CACNA1D: variants seen among roughly 807,000 people sequenced by gnomAD.
The protein encoded by CACNA1D is voltage-dependent L-type calcium channel subunit alpha-1D.
CACNA1D carries 55 observed loss-of-function variants against 257.1 expected under a neutral mutation model. That is an observed-to-expected ratio of 0.21 (90% CI 0.17 to 0.27). CACNA1D has a LOEUF of 0.27. Ranked by LOEUF, CACNA1D falls within the 10% of genes least tolerant of loss-of-function variation. The probability of loss-of-function intolerance (pLI) is 1.00; values close to 1 mark genes in which losing one functional copy is unlikely to be tolerated. For missense variants in CACNA1D, 1,876 were observed against 2,784.0 expected (o/e 0.67, Z 7.34); for synonymous variants, 980 against 1,014.9 (o/e 0.97, Z 0.65).
intron 8 of CACNA1D, among the ~76,000 whole-genome samples, chr3:53,696,315 T>A (rs2094572900): frequency 1.3e-5 from 2 of 152,190 alleles, no homozygotes; most frequent in Non-Finnish European, 2.9e-5. Context: ...ACCTTCTCCT[T>A]CCTCTGCTCC....
At chr3:53,735,771 TC>T in intron 20 of CACNA1D, among the ~76,000 whole-genome samples, 1 of 152,344 alleles carries the variant, frequency 6.6e-6, no homozygotes, top group South Asian at 2.1e-4. Flanking sequence ...CTTCTCCGCC[TC>T]TTTGCTCCCT....
rs572557151 is a variant in CACNA1D, at chr3:53,655,536, G to A, written c.624-4597G>A. 2.5e-4 allele frequency among the ~76,000 whole-genome samples: 38 copies of A among 152,188 alleles called. No homozygotes were observed. In the East Asian group the frequency reaches 3.3e-3, roughly 13 times the overall value. ...TAACTGGTGTGAAATGGTATCTCGT[G>A]GTTTTGATTTGCACTTCTCTAACGA... On this transcript the variant is annotated intron_variant, in intron 4 of 47. Transcript: ENST00000350061.
At chr3:53,602,725 A>G (rs2093459541) in intron 3 of CACNA1D, among the ~76,000 whole-genome samples, 1 of 152,212 alleles carries the variant, frequency 6.6e-6, no homozygotes, top group Admixed American at 6.5e-5. Context: ...ATTTCTTCAT[A>G]TAACCTGTTG....
intron 8 of CACNA1D, among the ~76,000 whole-genome samples, chr3:53,699,505 G>C (rs79296231): frequency 0.013 from 1,968 of 152,298 alleles, 50 homozygotes; most frequent in African/African-American, 0.045. Context: ...TCAGAACACA[G>C]CAGTGACAGA....
intron 5 of CACNA1D, 102 bp from the exon 6 acceptor site, chr3:53,665,558 T>C: frequency 1.1e-6 from 1 of 881,314 alleles, no homozygotes. Context: ...TGAATTTTAT[T>C]ACTATGTGTT....
intron 20 of CACNA1D, among the ~76,000 whole-genome samples, chr3:53,738,426 A>C (rs2095080304): frequency 6.6e-6 from 1 of 152,208 alleles, no homozygotes; most frequent in African/African-American, 2.4e-5. Context: ...GAGAGGGTTT[A>C]GTTGCTCTAG....
intron 3 of CACNA1D, among the ~76,000 whole-genome samples, chr3:53,510,565 G>A (rs2091063740): frequency 6.6e-6 from 1 of 152,182 alleles, no homozygotes; most frequent in South Asian, 2.1e-4. Context: ...ACGTTTGTCT[G>A]GGATGACAAC....
intron 3 of CACNA1D, among the ~76,000 whole-genome samples, chr3:53,551,056 AC>A (rs2092522542): frequency 6.6e-6 from 1 of 152,230 alleles, no homozygotes; most frequent in South Asian, 2.1e-4. Flanking sequence ...ATGCCAAAAA[AC>A]ATCTTAAACT....
intron 3 of CACNA1D, among the ~76,000 whole-genome samples, chr3:53,502,031 T>A (rs892959575): frequency 6.6e-6 from 1 of 151,966 alleles, no homozygotes; most frequent in African/African-American, 2.4e-5. Flanking sequence ...CTTTTCCTGA[T>A]AATATTAGCT....
rs369202970 is a variant in CACNA1D at position 53,495,512 on chromosome 3, G to C, written c.67+279G>C. On this transcript the variant is annotated intron_variant, in intron 1 of 47. Coordinates refer to ENST00000350061, the MANE Select transcript of CACNA1D (RefSeq NM_001128840.3). The surrounding 1 kb of genome is among the most constrained non-coding windows in gnomAD (Gnocchi z 5.1). Reference sequence around the variant, plus strand: ...GAGGGGCGGCGAGTCGGGGTGATTCGGGTTCAGTGTCCTCGGGCTCAACTT... The same window carrying C: ...GAGGGGCGGCGAGTCGGGGTGATTCCGGTTCAGTGTCCTCGGGCTCAACTT... 2.1e-4 allele frequency among the ~76,000 whole-genome samples: 32 copies of C among 152,242 alleles called. No homozygotes were observed. In the East Asian group the frequency reaches 2.1e-3, roughly 10 times the overall value.
intron 19 of CACNA1D, 41 bp from the exon 20 acceptor site, chr3:53,735,333 C>G: frequency 6.2e-7 from 1 of 1,604,718 alleles, no homozygotes; most frequent in Non-Finnish European, 8.5e-7. Flanking sequence ...TGTGTTCCAC[C>G]CTATCTGGGA....
At chr3:53,605,758 C>A (rs1230476962) in intron 3 of CACNA1D, among the ~76,000 whole-genome samples, 1 of 152,208 alleles carries the variant, frequency 6.6e-6, no homozygotes, top group African/African-American at 2.4e-5. Context: ...GGTCTGTTCT[C>A]CCCTTCCAGA....
At chr3:53,569,221 C>T (rs778135342) in intron 3 of CACNA1D, among the ~76,000 whole-genome samples, 72 of 152,204 alleles carry the variant, frequency 4.7e-4, no homozygotes, top group Admixed American at 9.2e-4. Context: ...AGTTTCAAAT[C>T]CATCCAGAAG....
At chr3:53,636,517 G>A (rs1249052840) in intron 3 of CACNA1D, among the ~76,000 whole-genome samples, 2 of 152,190 alleles carry the variant, frequency 1.3e-5, no homozygotes, top group African/African-American at 4.8e-5. Context: ...TGTTGGCCAA[G>A]CTGGTCTCAA....
chr3:53,686,144 G>T (rs2094471700), intron 8 of CACNA1D, among the ~76,000 whole-genome samples: 1 of 152,036 alleles, frequency 6.6e-6, no homozygotes, highest in Non-Finnish European at 1.5e-5. Flanking sequence ...AGCCTACCAA[G>T]AAATAAATTG....
chr3:53,669,167 G>A (rs1327574958), intron 7 of CACNA1D, among the ~76,000 whole-genome samples: 3 of 152,238 alleles, frequency 2.0e-5, no homozygotes. Flanking sequence ...CCTGTTGATT[G>A]CATTTATTAG....
At chr3:53,501,742 G>C (rs2090611902) in intron 3 of CACNA1D, 22 bp downstream of exon 3, 1 of 1,269,984 alleles carries the variant, frequency 7.9e-7, no homozygotes, top group East Asian at 2.3e-5. Flanking sequence ...TAGAGTTCCT[G>C]CTGGTCCTGG....
intron 3 of CACNA1D, among the ~76,000 whole-genome samples, chr3:53,643,304 A>G (rs930949): frequency 0.47 from 70,834 of 151,194 alleles, 17,138 homozygotes; most frequent in East Asian, 0.74. Flanking sequence ...AGCATCTCTG[A>G]GCCGACGCCT....
chr3:53,624,828 G>A (rs2093738453), intron 3 of CACNA1D, among the ~76,000 whole-genome samples: 1 of 152,348 alleles, frequency 6.6e-6, no homozygotes. Context: ...CCGTGGGATT[G>A]TGTAGGGGCA....
Sources: gnomAD v4.1 joint callset for allele counts (sites outside exome capture counted in the v4.1 genomes callset) on GRCh38, gnomAD v4.1.1 for gene constraint, Gnocchi (gnomAD v3.1) non-coding constraint, MANE v1.5 for transcripts, NCBI Gene and HGNC (gene_info 2026-07-23, HGNC 2026-07-21) for gene names.